ACKR2: variants seen among roughly 807,000 people sequenced by gnomAD.
ACKR2 encodes the protein atypical chemokine receptor 2.
For synonymous variants in ACKR2, 207 were observed against 192.2 expected (o/e 1.08, Z -0.64); for missense variants, 457 against 477.3 (o/e 0.96, Z 0.40).
chr3:42,844,273 C>T (rs943509771), intron 2 of ACKR2, among the ~76,000 whole-genome samples: 30 of 152,178 alleles, frequency 2.0e-4, no homozygotes, highest in African/African-American at 7.2e-4. Flanking sequence ...GGAAGGAAGG[C>T]AGCCAGTGAA....
chr3:42,851,458 G>A, intron 2 of ACKR2: 1 of 985,094 alleles, frequency 1.0e-6, no homozygotes, highest in South Asian at 4.7e-5. Flanking sequence ...GGCTCCGGTA[G>A]GTTATAGCCA....
chr3:42,822,550 GCA>G (rs963909049), intron 2 of ACKR2, among the ~76,000 whole-genome samples: 1 of 152,068 alleles, frequency 6.6e-6, no homozygotes, highest in Admixed American at 6.6e-5. Flanking sequence ...AATACAACAG[GCA>G]CAGTTAAAAA....
chr3:42,816,264 T>C (rs1700749309), intron 1 of ACKR2, among the ~76,000 whole-genome samples: 1 of 151,630 alleles, frequency 6.6e-6, no homozygotes, highest in African/African-American at 2.4e-5. Flanking sequence ...AGGGTTTCCA[T>C]AAAAATCATA....
intron 2 of ACKR2, among the ~76,000 whole-genome samples, chr3:42,823,351 C>G (rs1700828877): frequency 6.6e-6 from 1 of 152,164 alleles, no homozygotes. Flanking sequence ...CAATATCTCC[C>G]TCTCCTCAAT....
intron 2 of ACKR2, among the ~76,000 whole-genome samples, chr3:42,855,524 T>C (rs1226256188): frequency 2.0e-5 from 3 of 152,104 alleles, no homozygotes; most frequent in African/African-American, 7.2e-5. Flanking sequence ...GAGTGAAAGA[T>C]CAGGGGTAAA....
intron 2 of ACKR2, among the ~76,000 whole-genome samples, chr3:42,854,700 A>G (rs2088292032): frequency 6.6e-6 from 1 of 152,190 alleles, no homozygotes; most frequent in Non-Finnish European, 1.5e-5. Flanking sequence ...AACTCATAGA[A>G]GGAGCCCAAC....
At chr3:42,851,896 C>T (rs373341233) in intron 2 of ACKR2, among the ~76,000 whole-genome samples, 29 of 152,308 alleles carry the variant, frequency 1.9e-4, no homozygotes, top group African/African-American at 7.0e-4. Flanking sequence ...CCCCATCCTG[C>T]TCCTTTCCCA....
chr3:42,860,677 G>A (rs993616799), intron 2 of ACKR2, among the ~76,000 whole-genome samples: 5 of 152,210 alleles, frequency 3.3e-5, no homozygotes, highest in African/African-American at 1.2e-4. Flanking sequence ...AGACCACAGT[G>A]CAATCAAGTT....
At chr3:42,827,530 TCTGCTGGTTATTGAGCA>T (rs529880059) in intron 2 of ACKR2, among the ~76,000 whole-genome samples, 44 of 152,320 alleles carry the variant, frequency 2.9e-4, no homozygotes, top group African/African-American at 1.0e-3. Flanking sequence ...GCTGAAAGAA[TCTGCTGGTTATTGAGCA>T]CTTTGTCAAT....
At chr3:42,842,896 T>G (rs775515112) in intron 2 of ACKR2, among the ~76,000 whole-genome samples, 3 of 150,498 alleles carry the variant, frequency 2.0e-5, no homozygotes, top group African/African-American at 4.9e-5. Flanking sequence ...GGCATGAGAA[T>G]TGCTCAAACC....
intron 2 of ACKR2, among the ~76,000 whole-genome samples, chr3:42,863,568 T>A (rs1348506695): frequency 6.6e-6 from 1 of 152,226 alleles, no homozygotes; most frequent in Admixed American, 6.5e-5. Context: ...CACATATGCT[T>A]ATTGCAGCAC....
chr3:42,813,438 G>C (rs555690121), intron 1 of ACKR2, among the ~76,000 whole-genome samples: 2 of 152,192 alleles, frequency 1.3e-5, no homozygotes, highest in African/African-American at 4.8e-5. Flanking sequence ...CATGGCTAAG[G>C]AGGCCTCAGG....
chr3:42,864,832 G>A lies in ACKR2; in HGVS notation c.330G>A (p.Trp110Ter). The change falls in exon 3 of 3, where the codon TGG (tryptophan) becomes TGA (stop). Residue 110 changes from tryptophan (W) to a stop codon, truncating the protein, a stop_gained. Transcript: ENST00000422265. LOFTEE classifies it low-confidence loss of function (END_TRUNC). ...GGGGCATCTCCGTGGCCTGGCATTG[G>A]GTCTTCGGGAGTTTCTTGTGCAAGA... ...PFWGISVAWH[W>*]VFGSFLCKMV... 1 of 1,614,166 alleles carries A rather than the reference G, an allele frequency of 6.2e-7. No individual in the cohort carries two copies. The highest frequency in any genetic ancestry group is 1.1e-5 in the South Asian group (1 of 91,080).
At chr3:42,859,092 A>G (rs1349600443) in intron 2 of ACKR2, among the ~76,000 whole-genome samples, 1 of 152,210 alleles carries the variant, frequency 6.6e-6, no homozygotes, top group Non-Finnish European at 1.5e-5. Context: ...ACCAAGTTGG[A>G]AAACACTCTT....
intron 2 of ACKR2, among the ~76,000 whole-genome samples, chr3:42,820,847 T>C (rs1293678169): frequency 6.6e-6 from 1 of 151,192 alleles, no homozygotes; most frequent in Non-Finnish European, 1.5e-5. Flanking sequence ...TCTCTAGGAA[T>C]TGGGTGGGTT....
chr3:42,855,726 G>A (rs1283029559), intron 2 of ACKR2, among the ~76,000 whole-genome samples: 17 of 152,168 alleles, frequency 1.1e-4, no homozygotes, highest in Admixed American at 1.1e-3. Flanking sequence ...CCAGAAGTGA[G>A]GATGACCAGA....
chr3:42,860,053 G>C (rs2125624016), intron 2 of ACKR2, among the ~76,000 whole-genome samples: 1 of 150,228 alleles, frequency 6.7e-6, no homozygotes, highest in Admixed American at 6.7e-5. Flanking sequence ...AAATTGGATA[G>C]AGAGTCAAGA....
intron 2 of ACKR2, among the ~76,000 whole-genome samples, chr3:42,845,757 G>A (rs960214895): frequency 4.7e-5 from 7 of 150,066 alleles, no homozygotes; most frequent in African/African-American, 1.7e-4. Context: ...GCTGAGGCAC[G>A]AGAATCACTT....
intron 1 of ACKR2, among the ~76,000 whole-genome samples, chr3:42,810,650 C>T (rs944405771): frequency 2.6e-5 from 4 of 152,088 alleles, no homozygotes; most frequent in East Asian, 1.9e-4. Context: ...TTAAATTGTA[C>T]GACCCGACCA....
Sources: allele counts gnomAD v4.1 joint callset (sites outside exome capture counted in the v4.1 genomes callset), GRCh38; gene constraint gnomAD v4.1.1; transcripts MANE v1.5; gene names NCBI Gene and HGNC (gene_info 2026-07-23, HGNC 2026-07-21).